Variants in EYA1 observed in about 807,000 individuals in gnomAD.
The protein encoded by EYA1 is EYA transcriptional coactivator and phosphatase 1.
EYA1 carries 16 observed loss-of-function variants against 82.0 expected under a neutral mutation model. That is an observed-to-expected ratio of 0.20 (90% CI 0.13 to 0.30). EYA1 has a LOEUF of 0.30. EYA1 is among the 10% of genes least tolerant of loss of function. The pLI, the probability that EYA1 is intolerant of heterozygous loss-of-function variation, is 1.00. For missense variants in EYA1, 633 were observed against 730.7 expected (o/e 0.87, Z 1.54); for synonymous variants, 261 against 264.4 (o/e 0.99, Z 0.12).
intron 1 of EYA1, 193 bp from the exon 2 acceptor site, chr8:71,356,704 A>ATCC: frequency 1.6e-6 from 2 of 1,267,804 alleles, no homozygotes; most frequent in Non-Finnish European, 2.0e-6. Context: ...CTGCAGGTCT[A>ATCC]TCCTCCTCCT....
intron 2 of EYA1, among the ~76,000 whole-genome samples, chr8:71,475,700 C>T (rs1809607863): frequency 6.6e-6 from 1 of 152,140 alleles, no homozygotes; most frequent in South Asian, 2.1e-4. Context: ...TTAGATTCCT[C>T]TTTTCCAGTT....
chr8:71,512,781 AT>A (rs1563690627), intron 2 of EYA1, among the ~76,000 whole-genome samples: 1 of 152,186 alleles, frequency 6.6e-6, no homozygotes, highest in Non-Finnish European at 1.5e-5. Flanking sequence ...CAATCAAAAA[AT>A]AACACTAATT....
chr8:71,460,479 C>T (rs1355666188), intron 2 of EYA1, among the ~76,000 whole-genome samples: 1 of 152,130 alleles, frequency 6.6e-6, no homozygotes, highest in East Asian at 1.9e-4. Flanking sequence ...GGGCCAGTAA[C>T]AAAAAGTTAG....
chr8:71,276,262 T>G (rs1030634108), intron 9 of EYA1, among the ~76,000 whole-genome samples: 1 of 152,210 alleles, frequency 6.6e-6, no homozygotes, highest in Non-Finnish European at 1.5e-5. Flanking sequence ...TGGACTATAT[T>G]TTGAGCAGCA....
chr8:71,432,450 A>G (rs1316595210), intron 2 of EYA1, among the ~76,000 whole-genome samples: 5 of 152,192 alleles, frequency 3.3e-5, no homozygotes, highest in Non-Finnish European at 7.3e-5. Flanking sequence ...GGACAGCTTA[A>G]ACAACAGAAA....
chr8:71,358,888 T>G (rs1329272104), intron 1 of EYA1, among the ~76,000 whole-genome samples: 2 of 152,156 alleles, frequency 1.3e-5, no homozygotes, highest in Admixed American at 6.5e-5. Context: ...TTTTTATTGT[T>G]TCTAGAAAAG....
rs545945916 is a variant in EYA1 at position 71,257,121 on chromosome 8, T to C, written c.1051-12429A>G. ...GGTGCTGAATACTATTTATTACTTCTATTCTATTCTTTTAATGAATTCCTA... is the reference window on the plus strand; with the variant it reads ...GGTGCTGAATACTATTTATTACTTCCATTCTATTCTTTTAATGAATTCCTA... On this transcript the variant is annotated intron_variant, in intron 11 of 17. Coordinates refer to ENST00000340726, the MANE Select transcript of EYA1 (RefSeq NM_000503.6). Among the ~76,000 whole-genome samples the C allele has an allele frequency of 1.9e-4, 29 of 152,162 alleles. 1 individual carries two copies. Among genetic ancestry groups the C allele is most frequent in the African/African-American group, 5.8e-4 (24 of 41,408 alleles).
intron 2 of EYA1, among the ~76,000 whole-genome samples, chr8:71,427,230 C>T (rs1054521197): frequency 6.6e-6 from 1 of 152,144 alleles, no homozygotes; most frequent in East Asian, 1.9e-4. Flanking sequence ...GCTGTTGCTT[C>T]GGATGGGAGT....
Position 71,462,868 on chromosome 8 carries a change from G to A in EYA1, c.33+72876C>T, listed in dbSNP as rs189104428. On this transcript the variant is annotated intron_variant, in intron 2 of 18. Transcript: ENST00000643681. Reference sequence around the variant, plus strand: ...ATTGCTGCTCCCATAGCCACTCCTGGCACCATTGGCTGCACCTCCCCACTG... The same window carrying A: ...ATTGCTGCTCCCATAGCCACTCCTGACACCATTGGCTGCACCTCCCCACTG... Among the ~76,000 whole-genome samples the A allele has an allele frequency of 3.0e-3, 462 of 152,270 alleles. 3 individuals carry two copies. The highest frequency in any genetic ancestry group is 0.011 in the African/African-American group (438 of 41,564).
At chr8:71,440,105 T>G (rs372715181) in intron 2 of EYA1, among the ~76,000 whole-genome samples, 4 of 151,968 alleles carry the variant, frequency 2.6e-5, no homozygotes, top group African/African-American at 9.7e-5. Context: ...CAGAAGAAAG[T>G]CATCTGAGGC....
intron 12 of EYA1, chr8:71,225,429 C>A: frequency 2.7e-6 from 1 of 368,626 alleles, no homozygotes; most frequent in Non-Finnish European, 5.4e-6. Context: ...CACCATGATG[C>A]TTCCTTGCAG....
chr8:71,414,670 C>G (rs1280828467), intron 2 of EYA1, among the ~76,000 whole-genome samples: 1 of 152,164 alleles, frequency 6.6e-6, no homozygotes, highest in African/African-American at 2.4e-5. Flanking sequence ...ATATTTACCT[C>G]AAACATATGT....
intron 2 of EYA1, among the ~76,000 whole-genome samples, chr8:71,371,008 C>T (rs1828050118): frequency 6.6e-6 from 1 of 152,098 alleles, no homozygotes; most frequent in Non-Finnish European, 1.5e-5. Flanking sequence ...AAAGCTGAAT[C>T]CTAAGTTGGC....
chr8:71,513,581 G>A (rs761252970), intron 2 of EYA1, among the ~76,000 whole-genome samples: 2 of 152,058 alleles, frequency 1.3e-5, no homozygotes, highest in African/African-American at 2.4e-5. Flanking sequence ...ATCCCCTCAA[G>A]CATTTGTCCT....
rs77825059 is a variant in EYA1 at position 71,299,091 on chromosome 8, G to T, written c.782C>A (p.Pro261Gln). Residue 261 changes from proline to glutamine, a missense_variant, in exon 9 of 18, where the codon CCG (proline) becomes CAG (glutamine). By Grantham distance (76) the Pro-to-Gln change is moderately conservative. Coordinates refer to ENST00000340726, the MANE Select transcript of EYA1 (RefSeq NM_000503.6). ...TGCTTGGCTGGTGATGCCAGATGGC[G>T]GTTCTTGAAGCTGGTAAGTGGCATT... ...STNATYQLQE[P>Q]PSGITSQAVT... 1.2e-6 allele frequency: 2 copies of T among 1,614,064 alleles called. No individual in the cohort carries two copies. Among genetic ancestry groups the T allele is most frequent in the Non-Finnish European group, 1.7e-6 (2 of 1,179,974 alleles).
chr8:71,497,027 C>G (rs1042243356), intron 2 of EYA1, among the ~76,000 whole-genome samples: 1 of 152,036 alleles, frequency 6.6e-6, no homozygotes, highest in Admixed American at 6.6e-5. Flanking sequence ...ACCAACACTT[C>G]TGCACAGCAA....
At chr8:71,248,246 T>C (rs1431828492) in intron 11 of EYA1, among the ~76,000 whole-genome samples, 1 of 152,202 alleles carries the variant, frequency 6.6e-6, no homozygotes, top group Non-Finnish European at 1.5e-5. Context: ...TTTTGAAACA[T>C]TTACTACACC....
At chr8:71,263,086 A>G (rs911006326) in intron 11 of EYA1, among the ~76,000 whole-genome samples, 1 of 152,156 alleles carries the variant, frequency 6.6e-6, no homozygotes, top group Admixed American at 6.5e-5. Context: ...TTTGGGTTTC[A>G]TTCGTTGGTC....
chr8:71,256,997 C>T lies in EYA1; in HGVS notation c.1051-12305G>A, dbSNP rs1814512169. Among the ~76,000 whole-genome samples, 5 of 147,888 alleles carry T rather than the reference C, an allele frequency of 3.4e-5. No individual in the cohort carries two copies. In the South Asian group the frequency reaches 1.1e-3, roughly 31 times the overall value. On this transcript the variant is annotated intron_variant, in intron 11 of 17. Transcript: ENST00000340726. Reference sequence around the variant, plus strand: ...CTGGGCAACAAGAACTAAACTCCATCTCAAAAAAAAAATAAAATAAAAAAT... The same window carrying T: ...CTGGGCAACAAGAACTAAACTCCATTTCAAAAAAAAAATAAAATAAAAAAT...
Sources: gnomAD v4.1 joint callset for allele counts (sites outside exome capture counted in the v4.1 genomes callset) on GRCh38, gnomAD v4.1.1 for gene constraint, MANE v1.5 for transcripts, NCBI Gene and HGNC (gene_info 2026-07-23, HGNC 2026-07-21) for gene names.